Variants in RNF17 observed in about 807,000 individuals in gnomAD.
RNF17 encodes ring finger protein 17, also known as spermatogenesis associated 23.
Under a neutral mutation model 200.5 loss-of-function variants are expected in RNF17, and 31 were observed. The ratio of observed to expected loss-of-function variants is 0.15; its 90% CI spans 0.12 to 0.21. The LOEUF is 0.21. RNF17 is among the 10% of genes least tolerant of loss of function. The pLI is 1.00. For synonymous variants in RNF17, 606 were observed against 637.8 expected, an observed-to-expected ratio of 0.95 and a Z score of 0.75; for missense variants, 1,628 against 1,905.1, an observed-to-expected ratio of 0.85 and a Z score of 2.71.
At chr13:24,775,694 A>G (rs1388078305) in intron 3 of RNF17, among the ~76,000 whole-genome samples, 1 of 152,246 alleles carries the variant, frequency 6.6e-6, no homozygotes, top group Non-Finnish European at 1.5e-5. Context: ...GACTTTATAC[A>G]TGTATGCATT....
rs765860367 is a variant in RNF17 at position 24,843,976 on chromosome 13, AAT to A, written c.2831+17_2831+18del. 892 of 822,302 alleles carry A rather than the reference AAT, an allele frequency of 1.1e-3. No individual in the cohort carries two copies. Among genetic ancestry groups the A allele is most frequent in the East Asian group, 1.4e-3 (44 of 32,266 alleles). 50.9% of individuals were successfully genotyped at this position (822,302 alleles called of 1,614,324 possible). A position where few individuals can be genotyped will look rare whatever the true frequency, so the allele number is the denominator to read the frequency against. On this transcript the variant is annotated splice_donor_region_variant and intron_variant, in intron 20 of 35. Transcript: ENST00000255324. ...AACTGAAAACTTACTTAATAGGTAT[AAT>A]ATATATATATAATATATAAGGAAAA...
intron 15 of RNF17, among the ~76,000 whole-genome samples, chr13:24,814,352 T>G (rs556221596): frequency 2.6e-5 from 4 of 152,344 alleles, no homozygotes; most frequent in African/African-American, 9.6e-5. Flanking sequence ...ACTTTCTTGA[T>G]AGTGTCCTTT....
rs544442745 is a variant in RNF17 at position 24,779,207 on chromosome 13, AAAAG to A, written c.430-456_430-453del. The stretch of plus-strand genomic sequence containing the variant: ...GAGACTCTGTCTCAAAAAAAAAATA[AAAAG>A]AAAAAAAAATCATTAATGGGCTGGG... On this transcript the variant is annotated intron_variant, in intron 4 of 35. Coordinates refer to ENST00000255324, the MANE Select transcript of RNF17 (RefSeq NM_031277.3). Among the ~76,000 whole-genome samples the A allele has an allele frequency of 1.4e-4, 22 of 152,304 alleles. No homozygotes were observed. In the South Asian group the frequency reaches 4.6e-3, roughly 32 times the overall value.
intron 16 of RNF17, among the ~76,000 whole-genome samples, chr13:24,829,753 G>A (rs753868325): frequency 1.2e-4 from 18 of 152,116 alleles, no homozygotes; most frequent in Admixed American, 1.2e-3. Flanking sequence ...TGTGTGATAC[G>A]TCTTTTTTAA....
rs572743252 is a variant in RNF17, at chr13:24,830,352, A to G, written c.2246-132A>G. 1.4e-5 allele frequency: 8 copies of G among 558,236 alleles called. No individual in the cohort carries two copies. The African/African-American group carries it at 1.5e-4, about 11-fold the overall frequency. The allele number at this position is 558,236 out of a possible 1,614,324, so 34.6% of individuals were successfully genotyped here. On this transcript the variant is annotated intron_variant, in intron 16 of 35. Transcript: ENST00000255324. ...GGTTCACATATTTGAAATATTTTTT[A>G]CATTTTAAAAAGTATTAAGTTTGTA... is the stretch of plus-strand genomic sequence containing the variant.
At chr13:24,873,445 A>G (rs563745599) in intron 32 of RNF17, among the ~76,000 whole-genome samples, 16 of 152,330 alleles carry the variant, frequency 1.1e-4, no homozygotes, top group African/African-American at 3.6e-4. Flanking sequence ...ATTTTTTGAT[A>G]CATAATTGTG....
rs1202052712 is a variant in RNF17 at position 24,789,365 on chromosome 13, G to A, written c.801G>A (p.Gln267=). The change falls in exon 8 of 36, where the codon CAG becomes CAA. Residue 267 remains glutamine (Q), a synonymous_variant. Coordinates refer to ENST00000255324, the MANE Select transcript of RNF17 (RefSeq NM_031277.3). ...AATTCTAGATTATCCGGACTTTGCA[G>A]TTAACTTCAGATAGTGAATTAGCAC... ...CDLNQIIRTL[Q]LTSDSELAQV... is the part of the protein sequence containing the mutation. 1.9e-6 allele frequency: 3 copies of A among 1,600,160 alleles called. No homozygotes were observed. The highest frequency in any genetic ancestry group is 2.6e-6 in the Non-Finnish European group (3 of 1,169,628).
At chr13:24,843,108 A>G (rs761724659) in intron 19 of RNF17, among the ~76,000 whole-genome samples, 18 of 152,208 alleles carry the variant, frequency 1.2e-4, no homozygotes, top group Non-Finnish European at 2.2e-4. Context: ...ACTAGTATTA[A>G]TGATCTGTGG....
intron 33 of RNF17, 111 bp from the exon 34 acceptor site, chr13:24,876,886 A>G: frequency 1.1e-6 from 1 of 876,312 alleles, no homozygotes; most frequent in Non-Finnish European, 1.7e-6. Context: ...CGTATCCAAA[A>G]AAATCACTGC....
chr13:24,875,665 G>C (rs1364233012), intron 33 of RNF17, among the ~76,000 whole-genome samples: 2 of 152,196 alleles, frequency 1.3e-5, no homozygotes, highest in African/African-American at 4.8e-5. Flanking sequence ...TCAAAGAACT[G>C]TAATTGCAGA....
chr13:24,846,385 C>CT (rs1891259619), intron 22 of RNF17, among the ~76,000 whole-genome samples: 1 of 152,220 alleles, frequency 6.6e-6, no homozygotes, highest in Admixed American at 6.5e-5. Flanking sequence ...TATCTAGCCT[C>CT]TAAGCCAAAA....
chr13:24,885,615 A>T, the RNF17 span: 3 of 1,609,072 alleles, frequency 1.9e-6, no homozygotes, highest in Non-Finnish European at 2.6e-6. Context: ...CTTGTCCCTT[A>T]TCCAAATTGC....
intron 2 of RNF17, among the ~76,000 whole-genome samples, chr13:24,773,564 G>C (rs1035841725): frequency 6.6e-6 from 1 of 152,076 alleles, no homozygotes; most frequent in East Asian, 1.9e-4. Context: ...AGGAGGGGAG[G>C]CAAGGGCAGA....
At chr13:24,826,929 G>T (rs983162331) in intron 16 of RNF17, among the ~76,000 whole-genome samples, 2 of 151,982 alleles carry the variant, frequency 1.3e-5, no homozygotes, top group African/African-American at 4.8e-5. Context: ...GCATGGTGGT[G>T]CATGCCTGTA....
At chr13:24,764,483 C>T (rs1035989256) in intron 1 of RNF17, 150 bp downstream of exon 1, 71 of 1,173,996 alleles carry the variant, frequency 6.0e-5, no homozygotes, top group Non-Finnish European at 6.3e-5. Flanking sequence ...GAGCTGCACC[C>T]GACCTCTAAG....
chr13:24,789,979 G>C (rs1383896126), intron 9 of RNF17, among the ~76,000 whole-genome samples: 1 of 152,106 alleles, frequency 6.6e-6, no homozygotes, highest in Non-Finnish European at 1.5e-5. Flanking sequence ...AGTTATCTTT[G>C]AGATTGATTC....
intron 21 of RNF17, 57 bp from the exon 22 acceptor site, chr13:24,844,904 C>T: frequency 6.4e-7 from 1 of 1,553,226 alleles, no homozygotes; most frequent in South Asian, 1.2e-5. Flanking sequence ...TTCAGTTTGC[C>T]AAAAAAATAT....
chr13:24,822,094 A>G (rs964682916), intron 15 of RNF17, among the ~76,000 whole-genome samples: 3 of 152,146 alleles, frequency 2.0e-5, no homozygotes, highest in African/African-American at 4.8e-5. Context: ...GGGCCCACAG[A>G]TTGGTTCAGT....
intron 15 of RNF17, among the ~76,000 whole-genome samples, chr13:24,805,338 T>C (rs1052186438): frequency 6.6e-6 from 1 of 152,090 alleles, no homozygotes; most frequent in Non-Finnish European, 1.5e-5. Context: ...GCCCTGTACC[T>C]ATTAAACAAT....
Sources: gnomAD v4.1 joint callset for allele counts (sites outside exome capture counted in the v4.1 genomes callset) on GRCh38, gnomAD v4.1.1 for gene constraint, MANE v1.5 for transcripts, NCBI Gene and HGNC (gene_info 2026-07-23, HGNC 2026-07-21) for gene names.